QRICH2: variants seen among roughly 807,000 people sequenced by gnomAD.
The protein encoded by QRICH2 is glutamine-rich protein 2.
QRICH2 carries 119 observed loss-of-function variants against 168.3 expected under a neutral mutation model. The observed-to-expected ratio is 0.71, with a 90% CI of 0.61 to 0.82. The LOEUF is 0.82. QRICH2 is among the 40% of genes least tolerant of loss of function. The pLI, the probability that QRICH2 is intolerant of heterozygous loss-of-function variation, is 0.00. For missense variants in QRICH2, 2,241 were observed against 2,491.6 expected, an observed-to-expected ratio of 0.90 and a Z score of 2.14; for synonymous variants, 894 against 951.2, an observed-to-expected ratio of 0.94 and a Z score of 1.11.
rs747405166 is a variant in QRICH2 at position 76,293,695 on chromosome 17, A to T, written c.1032T>A (p.Ser344Arg). ...GTTGTGTCGAGGTAAGCTTCTCTCT[A>T]CTCCTGTGACGATCTGAGTCTGATT... The part of the protein sequence containing the change: ...QFKSDSDRHR[S>R]REKLTSTQPR... Residue 344 changes from serine (S) to arginine (R), a missense_variant, in exon 4 of 19, where the codon AGT (serine) becomes AGA (arginine). Coordinates refer to ENST00000680821, the MANE Select transcript of QRICH2 (RefSeq NM_001388453.1). 1.4e-5 allele frequency: 22 copies of T among 1,613,636 alleles called. No individual in the cohort carries two copies. Among genetic ancestry groups the T allele is most frequent in the Non-Finnish European group, 1.9e-5 (22 of 1,179,962 alleles).
chr17:76,296,176 T>G (rs758940044), intron 3 of QRICH2, among the ~76,000 whole-genome samples: 3 of 151,996 alleles, frequency 2.0e-5, no homozygotes, highest in African/African-American at 4.8e-5. Flanking sequence ...TGAGCCGAGA[T>G]AGCACCATTG....
chr17:76,286,140 A>G (rs532022728), intron 7 of QRICH2, among the ~76,000 whole-genome samples: 11 of 151,674 alleles, frequency 7.3e-5, no homozygotes, highest in South Asian at 2.1e-4. Context: ...GTGCCACTGC[A>G]CTCCAGCCTA....
At chr17:76,304,359 C>T (rs765569719) in intron 3 of QRICH2, 56 bp downstream of exon 3, 36 of 1,109,344 alleles carry the variant, frequency 3.2e-5, no homozygotes, top group Non-Finnish European at 4.6e-5. Context: ...CTGTACAAAG[C>T]GAGAAGTTCT....
At chr17:76,308,939 G>T (rs1385862518), upstream of QRICH2, among the ~76,000 whole-genome samples, 1 of 151,116 alleles carries the variant, frequency 6.6e-6, no homozygotes, top group Non-Finnish European at 1.5e-5. Flanking sequence ...CAGAGACGGG[G>T]TTTCACTATG....
At chr17:76,305,533 G>C (rs2070977933) in intron 1 of QRICH2, among the ~76,000 whole-genome samples, 1 of 152,148 alleles carries the variant, frequency 6.6e-6, no homozygotes, top group Non-Finnish European at 1.5e-5. Flanking sequence ...GAAGGGAAGT[G>C]AGATGCAGTG....
In QRICH2 at chr17:76,289,029, G is replaced by A. The variant is rs531404786; in HGVS notation, c.3798+963C>T. ...TGAGGCAGGAAAATGGCGTGAACCT[G>A]GGAGGTGGAGCTTGCAGTGAGCCGA... On this transcript the variant is annotated intron_variant, in intron 5 of 18. Coordinates refer to ENST00000680821, the MANE Select transcript of QRICH2 (RefSeq NM_001388453.1). 4.6e-4 allele frequency among the ~76,000 whole-genome samples: 69 copies of A among 151,276 alleles called. 1 individual carries two copies. The highest frequency in any genetic ancestry group is 6.8e-3 in the Middle Eastern group (2 of 294).
rs769073278 is a variant in QRICH2, at chr17:76,293,195, T to C, written c.1532A>G (p.Asp511Gly). The part of the protein sequence containing the change: ...GQQGLVPPGI[D>G]QQGLTLPVVD... ...GACAGGCAATGTCAATCCTTGCTGG[T>C]CTATACCAGGGGGTACTAGTCCTTG... The change falls in exon 4 of 19, where the codon GAC (aspartate) becomes GGC (glycine). Residue 511 changes from aspartate (D) to glycine (G), a missense_variant. Asp to Gly is a moderately conservative substitution (Grantham distance 94). Around this residue, in one of 3 missense-constraint regions of QRICH2, gnomAD observed 2,047 missense variants for 2,303.8 expected, o/e 0.89. Coordinates refer to ENST00000680821, the MANE Select transcript of QRICH2 (RefSeq NM_001388453.1). The C allele has an allele frequency of 1.2e-6, 2 of 1,614,198 alleles. No homozygotes were observed. Among genetic ancestry groups the C allele is most frequent in the Non-Finnish European group, 1.7e-6 (2 of 1,180,040 alleles).
Position 76,280,698 on chromosome 17 carries a change from T to C in QRICH2, c.4417A>G (p.Lys1473Glu). 2 of 1,614,100 alleles carry C rather than the reference T, an allele frequency of 1.2e-6. No homozygotes were observed. The highest frequency in any genetic ancestry group is 1.7e-6 in the Non-Finnish European group (2 of 1,180,006). Residue 1473 changes from lysine to glutamate, a missense_variant, in exon 10 of 19, where the codon AAG becomes GAG. Coordinates refer to ENST00000680821, the MANE Select transcript of QRICH2 (RefSeq NM_001388453.1). The surrounding 1 kb of genome is among the most constrained non-coding windows in gnomAD (Gnocchi z 7.4). Reference sequence around the variant, plus strand: ...AGGTGCTCCCTGTTGGCCTTTTCCTTTTCGAGCTTCTCCAGACCCTGGTAC... The same window carrying C: ...AGGTGCTCCCTGTTGGCCTTTTCCTCTTCGAGCTTCTCCAGACCCTGGTAC... ...MLYQGLEKLE[K>E]EKANREHLEM...
chr17:76,287,588 A>G (rs164009), intron 6 of QRICH2, among the ~76,000 whole-genome samples: 79,669 of 151,850 alleles, frequency 0.52, 23,067 homozygotes, highest in African/African-American at 0.78. Context: ...TTATTTTTGC[A>G]TTTCCAAGAC....
upstream of QRICH2, chr17:76,310,331 G>A (rs2071057563): frequency 6.6e-6 from 1 of 150,830 alleles, no homozygotes; most frequent in South Asian, 2.1e-4. Flanking sequence ...AACTTAGCTA[G>A]GCTAATTTTT....
At chr17:76,287,969 G>A in intron 5 of QRICH2, 72 bp from the exon 6 acceptor site, 2 of 1,193,568 alleles carry the variant, frequency 1.7e-6, no homozygotes, top group South Asian at 2.4e-5. Context: ...CTTGCATGCA[G>A]CTCATGCCAG....
intron 7 of QRICH2, among the ~76,000 whole-genome samples, chr17:76,286,216 T>C (rs2070882846): frequency 6.6e-6 from 1 of 152,108 alleles, no homozygotes; most frequent in African/African-American, 2.4e-5. Flanking sequence ...AGCAGCATTA[T>C]TCATAATAGC....
At chr17:76,294,129 G>A in intron 3 of QRICH2, 108 bp from the exon 4 acceptor site, 1 of 1,380,546 alleles carries the variant, frequency 7.2e-7, no homozygotes, top group Non-Finnish European at 9.7e-7. Context: ...GGCCCCTGGA[G>A]AAAAAAGCCC....
At chr17:76,299,157 A>C (rs577976591) in intron 3 of QRICH2, among the ~76,000 whole-genome samples, 2 of 152,208 alleles carry the variant, frequency 1.3e-5, no homozygotes, top group South Asian at 4.2e-4. Flanking sequence ...GAATAAAATC[A>C]AGCTGAATAT....
chr17:76,302,986 C>T (rs1331547711), intron 3 of QRICH2, among the ~76,000 whole-genome samples: 2 of 151,942 alleles, frequency 1.3e-5, no homozygotes, highest in Non-Finnish European at 2.9e-5. Context: ...CGAGTTCAAG[C>T]GATTCTTCTG....
At position 76,308,177 on chromosome 17, in the gene QRICH2, C is replaced by T. The variant is rs2071020997; in HGVS notation, c.-179G>A. ...TCCAGGGAATCTGCGCCTCCGCTCC[C>T]CGGCGGGGTCCGCGATGGCCACCCC... is the stretch of plus-strand genomic sequence containing the variant. On this transcript the variant is annotated 5_prime_UTR_variant, in exon 1 of 19. Coordinates refer to ENST00000680821, the MANE Select transcript of QRICH2 (RefSeq NM_001388453.1). 1.0e-6 allele frequency: 1 copy of T among 985,338 alleles called. No individual in the cohort carries two copies. The highest frequency in any genetic ancestry group is 4.7e-5 in the South Asian group (1 of 21,294). The allele number at this position is 985,338 out of a possible 1,614,324, so 61.0% of individuals were successfully genotyped here.
chr17:76,287,886 C>T lies in QRICH2; in HGVS notation c.3810G>A (p.Leu1270=). ...TCCCTTCCCCTTCCAGGATCCTCTGCAGCCTTTCCACCTACAAACCCAGTG... is the reference window on the plus strand; with the variant it reads ...TCCCTTCCCCTTCCAGGATCCTCTGTAGCCTTTCCACCTACAAACCCAGTG... ...VWQEKAKVER[L]QRILEGEGNQ... The change falls in exon 6 of 19, where the codon CTG becomes CTA. Residue 1270 remains leucine (L), a synonymous_variant. Transcript: ENST00000680821. The T allele has an allele frequency of 6.2e-7, 1 of 1,613,914 alleles. No homozygotes were observed. The highest frequency in any genetic ancestry group is 1.1e-5 in the South Asian group (1 of 91,072).
chr17:76,308,312 A>G (rs897648541), upstream of QRICH2: 2 of 985,356 alleles, frequency 2.0e-6, no homozygotes, highest in South Asian at 9.4e-5. Flanking sequence ...TGAAGATTCC[A>G]CGTAACAACA....
upstream of QRICH2, among the ~76,000 whole-genome samples, chr17:76,308,827 C>G (rs527595032): frequency 6.6e-6 from 1 of 152,036 alleles, no homozygotes; most frequent in African/African-American, 2.4e-5. Context: ...CTCACTGCAA[C>G]CTCTGCCTCC....
Sources: allele counts gnomAD v4.1 joint callset (sites outside exome capture counted in the v4.1 genomes callset), GRCh38; gene constraint gnomAD v4.1.1; regional missense constraint gnomAD v4.1.1; non-coding constraint Gnocchi (gnomAD v3.1); transcripts MANE v1.5; gene names NCBI Gene and HGNC (gene_info 2026-07-23, HGNC 2026-07-21).